Variants in PARPBP observed in about 807,000 individuals in gnomAD.
The protein encoded by PARPBP is PARP1 binding protein, also known as PCNA-interacting partner.
Under a neutral mutation model 50.0 loss-of-function variants are expected in PARPBP, and 52 were observed. The ratio of observed to expected loss-of-function variants is 1.04; its 90% CI spans 0.83 to 1.31. The LOEUF is 1.31. PARPBP is among the 50% of genes most tolerant of loss of function. The pLI, the probability that PARPBP is intolerant of heterozygous loss-of-function variation, is 0.00. For synonymous variants in PARPBP, 244 were observed against 232.1 expected (o/e 1.05, Z -0.47); for missense variants, 697 against 672.0 (o/e 1.04, Z -0.41).
rs749702575 is a variant in PARPBP at position 102,182,616 on chromosome 12, A to G, written c.1252A>G (p.Lys418Glu). 13 of 1,606,666 alleles carry G rather than the reference A, an allele frequency of 8.1e-6. No homozygotes were observed. The highest frequency in any genetic ancestry group is 1.3e-5 in the African/African-American group (1 of 74,686). ...RERICVSMQE[K>E]KIKMKQTLIR... ...ACGCATCTGTGTGTCAATGCAAGAG[A>G]AAAAAATTAAGGTACAATTTAATGC... is the stretch of plus-strand genomic sequence containing the variant. Residue 418 changes from lysine to glutamate, a missense_variant, in exon 9 of 11, where the codon AAA becomes GAA. Physicochemically the swap from Lys to Glu is moderately conservative, Grantham distance 56 (BLOSUM62 1). Coordinates refer to ENST00000327680, the MANE Select transcript of PARPBP (RefSeq NM_017915.5).
chr12:102,192,483 T>C (rs1890885643), intron 9 of PARPBP, among the ~76,000 whole-genome samples: 1 of 152,104 alleles, frequency 6.6e-6, no homozygotes, highest in Admixed American at 6.6e-5. Flanking sequence ...TTGTGCTGCT[T>C]TCTTAGTTGG....
chr12:102,196,285 A>G lies in PARPBP; in HGVS notation c.1734A>G (p.Arg578=). 1.3e-6 allele frequency: 2 copies of G among 1,573,026 alleles called. No individual in the cohort carries two copies. Among genetic ancestry groups the G allele is most frequent in the South Asian group, 1.2e-5 (1 of 83,750 alleles). Residue 578 remains arginine (R), a synonymous_variant, in exon 11 of 11, where the codon AGA becomes AGG. Transcript: ENST00000327680. ...SGQAKLTQFF[R]L is the part of the protein sequence containing the mutation. ...AGGCAAAGTTAACTCAGTTTTTTAG[A>G]CTATAAATTTGTGTCTTATATGCTT...
rs552674404 is a variant in PARPBP, at chr12:102,120,447, C to T, written c.-4+161C>T. On this transcript the variant is annotated intron_variant, in intron 1 of 10. Coordinates refer to ENST00000327680, the MANE Select transcript of PARPBP (RefSeq NM_017915.5). Reference sequence around the variant, plus strand: ...GACTTGACGCTCGAGCCTGGTTGGGCCTGGGGGCTGTAGGCGGAGTTCACA... The same window carrying T: ...GACTTGACGCTCGAGCCTGGTTGGGTCTGGGGGCTGTAGGCGGAGTTCACA... The T allele has an allele frequency of 4.1e-4, 187 of 456,520 alleles. 2 individuals are homozygous for T. The highest frequency in any genetic ancestry group is 2.1e-3 in the South Asian group (137 of 64,562). 28.3% of individuals were successfully genotyped at this position (456,520 alleles called of 1,614,324 possible).
At chr12:102,154,723 A>G in intron 4 of PARPBP, 1 of 388,958 alleles carries the variant, frequency 2.6e-6, no homozygotes, top group South Asian at 1.9e-5. Flanking sequence ...ACCCCAAAAT[A>G]TGTTTCTTTG....
intron 2 of PARPBP, among the ~76,000 whole-genome samples, chr12:102,136,994 AC>A (rs1182813939): frequency 6.6e-6 from 1 of 151,876 alleles, no homozygotes; most frequent in Non-Finnish European, 1.5e-5. Context: ...TCACTCTGTC[AC>A]CCAGGCTGGA....
At chr12:102,154,559 A>G (rs890078900) in intron 4 of PARPBP, among the ~76,000 whole-genome samples, 3 of 152,186 alleles carry the variant, frequency 2.0e-5, no homozygotes, top group Non-Finnish European at 4.4e-5. Flanking sequence ...TCTCTTGCCC[A>G]AATTCCTATT....
At chr12:102,141,278 C>T (rs2138144522) in intron 2 of PARPBP, among the ~76,000 whole-genome samples, 1 of 151,930 alleles carries the variant, frequency 6.6e-6, no homozygotes, top group East Asian at 1.9e-4. Context: ...GGTTTAAAGT[C>T]TGTTTTATCA....
chr12:102,191,667 A>G (rs1485397342), intron 9 of PARPBP, among the ~76,000 whole-genome samples: 1 of 152,124 alleles, frequency 6.6e-6, no homozygotes, highest in Non-Finnish European at 1.5e-5. Flanking sequence ...CTGGGAACTT[A>G]CTAATAATTT....
At chr12:102,161,986 T>C (rs1565883538) in intron 4 of PARPBP, among the ~76,000 whole-genome samples, 1 of 152,184 alleles carries the variant, frequency 6.6e-6, no homozygotes, top group Non-Finnish European at 1.5e-5. Context: ...CTATCTCGAG[T>C]CCATATTTAA....
intron 4 of PARPBP, among the ~76,000 whole-genome samples, chr12:102,159,325 C>T (rs1887313255): frequency 6.6e-6 from 1 of 152,150 alleles, no homozygotes; most frequent in Non-Finnish European, 1.5e-5. Context: ...GACAGGGTTT[C>T]ACCATGTTGG....
chr12:102,167,449 C>G (rs187047470), intron 6 of PARPBP, among the ~76,000 whole-genome samples: 10 of 151,950 alleles, frequency 6.6e-5, no homozygotes, highest in Non-Finnish European at 1.5e-4. Flanking sequence ...TAGAGGTGTT[C>G]CCACAATGTG....
intron 1 of PARPBP, among the ~76,000 whole-genome samples, chr12:102,123,197 GT>G (rs1881430684): frequency 6.6e-6 from 1 of 152,186 alleles, no homozygotes; most frequent in Admixed American, 6.5e-5. Flanking sequence ...ACTCGCAAGT[GT>G]TTAGCATAAA....
chr12:102,135,366 A>T (rs1326521895), intron 2 of PARPBP, among the ~76,000 whole-genome samples: 1 of 151,920 alleles, frequency 6.6e-6, no homozygotes, highest in Non-Finnish European at 1.5e-5. Context: ...AACACGGTGA[A>T]ACCCCATCTT....
At chr12:102,179,737 G>T (rs577968985) in intron 8 of PARPBP, among the ~76,000 whole-genome samples, 1 of 152,270 alleles carries the variant, frequency 6.6e-6, no homozygotes, top group Admixed American at 6.5e-5. Context: ...GGGTGATGCA[G>T]TTTCATCTAT....
intron 5 of PARPBP, 88 bp from the exon 6 acceptor site, chr12:102,165,641 G>T: frequency 9.5e-7 from 1 of 1,057,674 alleles, no homozygotes; most frequent in Non-Finnish European, 1.4e-6. Context: ...TGTATACCCA[G>T]AATTATATAG....
At chr12:102,149,185 G>A (rs1458670305) in intron 3 of PARPBP, among the ~76,000 whole-genome samples, 1 of 152,120 alleles carries the variant, frequency 6.6e-6, no homozygotes, top group Non-Finnish European at 1.5e-5. Context: ...GAAAATGTTT[G>A]CTATATTTTG....
At chr12:102,171,863 C>T (rs372798923) in intron 6 of PARPBP, among the ~76,000 whole-genome samples, 1 of 148,578 alleles carries the variant, frequency 6.7e-6, no homozygotes, top group Non-Finnish European at 1.5e-5. Flanking sequence ...AACGAGACTC[C>T]GCCTCAAAAA....
intron 6 of PARPBP, among the ~76,000 whole-genome samples, chr12:102,168,767 C>G (rs1318662548): frequency 6.6e-6 from 1 of 152,000 alleles, no homozygotes; most frequent in Admixed American, 6.6e-5. Flanking sequence ...AAGTGGATAA[C>G]CCATTTGGAC....
In PARPBP at chr12:102,196,266, A is replaced by T. The variant is rs768652957; in HGVS notation, c.1715A>T (p.Lys572Met). Residue 572 changes from lysine to methionine, a missense_variant, in exon 11 of 11, where the codon AAG (lysine) becomes ATG (methionine). Physicochemically the swap from Lys to Met is moderately conservative, Grantham distance 95 (BLOSUM62 -1). Transcript: ENST00000327680. ...AKDKLISGQA[K>M]LTQFFRL ...GACAAGTTGATTTCTGGCCAGGCAA[A>T]GTTAACTCAGTTTTTTAGACTATAA... 6.3e-7 allele frequency: 1 copy of T among 1,592,046 alleles called. No individual in the cohort carries two copies. Among genetic ancestry groups the T allele is most frequent in the East Asian group, 2.2e-5 (1 of 44,696 alleles).
Sources: gnomAD v4.1 joint callset for allele counts (sites outside exome capture counted in the v4.1 genomes callset) on GRCh38, gnomAD v4.1.1 for gene constraint, MANE v1.5 for transcripts, NCBI Gene and HGNC (gene_info 2026-07-23, HGNC 2026-07-21) for gene names.